The following TNR variants were observed in gnomAD, a reference collection of about 807,000 sequenced individuals.
TNR encodes tenascin R.
TNR carries 45 observed loss-of-function variants against 150.4 expected under a neutral mutation model. That is an observed-to-expected ratio of 0.30 (90% CI 0.24 to 0.38). TNR has a LOEUF of 0.38. TNR is among the 10% of genes least tolerant of loss of function. The probability of loss-of-function intolerance (pLI) is 1.00; values close to 1 mark genes in which losing one functional copy is unlikely to be tolerated. For synonymous variants in TNR, 687 were observed against 678.4 expected (o/e 1.01, Z -0.20); for missense variants, 1,544 against 1,759.1 (o/e 0.88, Z 2.19).
intron 2 of TNR, among the ~76,000 whole-genome samples, chr1:175,447,176 A>G (rs190361632): frequency 1.6e-4 from 23 of 147,906 alleles, no homozygotes; most frequent in Admixed American, 8.1e-4. Context: ...TTGGATTTCT[A>G]TCTTCTGGAA....
rs75340322 is a variant in TNR, at chr1:175,629,989, G to T, written c.-164-101620C>A. Among the ~76,000 whole-genome samples, 54 of 152,270 alleles carry T rather than the reference G, an allele frequency of 3.5e-4. No individual in the cohort carries two copies. In the East Asian group the frequency reaches 6.4e-3, roughly 18 times the overall value. On this transcript the variant is annotated intron_variant, in intron 1 of 22. Transcript: ENST00000367674. ...GAACCTCAGACCCATACTGAGTCCTGGGGAGGGACTTTCTGGTGTGTCCTC... is the reference window on the plus strand; with the variant it reads ...GAACCTCAGACCCATACTGAGTCCTTGGGAGGGACTTTCTGGTGTGTCCTC...
chr1:175,743,110 G>A (rs1458020130), intron 1 of TNR, 116 bp downstream of exon 1: 1 of 152,198 alleles, frequency 6.6e-6, no homozygotes, highest in African/African-American at 2.4e-5. Context: ...TAACCCTAGT[G>A]CCAAATGCCT....
intron 1 of TNR, among the ~76,000 whole-genome samples, chr1:175,535,320 C>T (rs899512188): frequency 6.6e-6 from 1 of 152,204 alleles, no homozygotes; most frequent in Non-Finnish European, 1.5e-5. Context: ...AGATTAGCAA[C>T]GAGCTCCACG....
At chr1:175,444,542 CT>C (rs1313217688) in intron 2 of TNR, among the ~76,000 whole-genome samples, 4 of 152,324 alleles carry the variant, frequency 2.6e-5, no homozygotes, top group South Asian at 2.1e-4. Context: ...CAAACCTGTC[CT>C]TCACACACCA....
At chr1:175,402,984 C>G (rs1289464602) in intron 4 of TNR, among the ~76,000 whole-genome samples, 156 bp downstream of exon 4, 2 of 152,200 alleles carry the variant, frequency 1.3e-5, no homozygotes, top group African/African-American at 4.8e-5. Flanking sequence ...CTCAAGAACT[C>G]AGCTCTCTTG....
chr1:175,525,977 A>G (rs1571561684), intron 2 of TNR, among the ~76,000 whole-genome samples: 1 of 150,078 alleles, frequency 6.7e-6, no homozygotes, highest in Admixed American at 6.6e-5. Context: ...ATTTACCTAA[A>G]CATTGAACCA....
At position 175,396,771 on chromosome 1, in the gene TNR, C is replaced by T. The variant is rs1653449310; in HGVS notation, c.1013G>A (p.Ser338Asn). Residue 338 changes from serine to asparagine, a missense_variant, in exon 5 of 23, where the codon AGC becomes AAC. Around this residue, in one of 2 missense-constraint regions of TNR, gnomAD observed 1,254 missense variants for 1,329.4 expected, o/e 0.94. Coordinates refer to ENST00000367674, the MANE Select transcript of TNR (RefSeq NM_003285.3). ...PPEDLRVAGISDRSIELEWDG... is the reference protein window; with the variant it reads ...PPEDLRVAGINDRSIELEWDG... ...CCATTCCAGCTCAATGGACCTGTCG[C>T]TGATACCAGCCACTCGCAAGTCCTC... 1.2e-6 allele frequency: 2 copies of T among 1,613,940 alleles called. No homozygotes were observed. The highest frequency in any genetic ancestry group is 1.7e-6 in the Non-Finnish European group (2 of 1,179,946).
At position 175,406,785 on chromosome 1, in the gene TNR, G is replaced by A. The variant is rs1354628122; in HGVS notation, c.-63-8C>T. On this transcript the variant is annotated splice_region_variant and splice_polypyrimidine_tract_variant and intron_variant, in intron 2 of 22. Transcript: ENST00000367674. ...GCATGGAGTTGTGGGAATCTGCAAC[G>A]GAAACCAAGGAAAGAGACAACCTCT... The A allele has an allele frequency of 7.1e-6, 11 of 1,556,064 alleles. No individual in the cohort carries two copies. Among genetic ancestry groups the A allele is most frequent in the East Asian group, 4.5e-5 (2 of 44,506 alleles).
chr1:175,723,119 TATA>T (rs781183066), intron 1 of TNR, among the ~76,000 whole-genome samples: 9 of 152,054 alleles, frequency 5.9e-5, no homozygotes, highest in Non-Finnish European at 8.8e-5. Context: ...TGTGCATTTG[TATA>T]ATATTACATG....
At chr1:175,333,974 C>CG (rs1241129643) in intron 20 of TNR, among the ~76,000 whole-genome samples, 2 of 152,010 alleles carry the variant, frequency 1.3e-5, no homozygotes, top group Admixed American at 6.6e-5. Context: ...GGAGAGGAGT[C>CG]GGGGGAAGAG....
Position 175,356,307 on chromosome 1 carries a change from C to T in TNR, c.3118+12G>A, listed in dbSNP as rs547494051. ...CCCAGGGATACGGGTATGTAGGTGACCATGTACTCACGAGTAGAAAAGTTG... is the reference window on the plus strand; with the variant it reads ...CCCAGGGATACGGGTATGTAGGTGATCATGTACTCACGAGTAGAAAAGTTG... On this transcript the variant is annotated intron_variant, in intron 16 of 22. Coordinates refer to ENST00000367674, the MANE Select transcript of TNR (RefSeq NM_003285.3). 3 of 1,613,812 alleles carry T rather than the reference C, an allele frequency of 1.9e-6. No individual in the cohort carries two copies. The Admixed American group carries it at 5.0e-5, about 27-fold the overall frequency.
chr1:175,725,565 A>G (rs1294912552), intron 1 of TNR, among the ~76,000 whole-genome samples: 1 of 152,226 alleles, frequency 6.6e-6, no homozygotes, highest in Non-Finnish European at 1.5e-5. Context: ...TTCTTCATCA[A>G]TAACAGTCAT....
chr1:175,331,671 G>A (rs1272414790), intron 20 of TNR, among the ~76,000 whole-genome samples: 1 of 152,176 alleles, frequency 6.6e-6, no homozygotes, highest in East Asian at 1.9e-4. Flanking sequence ...ATCTTGTGTT[G>A]CTGGTAATTT....
chr1:175,624,105 C>A (rs992931104), intron 1 of TNR, among the ~76,000 whole-genome samples: 1 of 152,220 alleles, frequency 6.6e-6, no homozygotes, highest in Non-Finnish European at 1.5e-5. Flanking sequence ...TAGAATTCCA[C>A]CTTCAGAGAT....
rs768025171 is a variant in TNR at position 175,355,549 on chromosome 1, A to G, written c.3203T>C (p.Ile1068Thr). Residue 1068 changes from isoleucine to threonine, a missense_variant, in exon 17 of 23, where the codon ATT (isoleucine) becomes ACT (threonine). Coordinates refer to ENST00000367674, the MANE Select transcript of TNR (RefSeq NM_003285.3). ...TTTGTAGGTCAAGACATAATTTTCA[A>G]TCTCTGCCCTGGGAGGCTGCCAGGA... ...LISWQPPRAEIENYVLTYKST... is the reference protein window; with the variant it reads ...LISWQPPRAETENYVLTYKST... The G allele has an allele frequency of 6.2e-7, 1 of 1,614,050 alleles. No homozygotes were observed. The highest frequency in any genetic ancestry group is 8.5e-7 in the Non-Finnish European group (1 of 1,179,938).
intron 5 of TNR, 145 bp downstream of exon 5, chr1:175,396,399 G>T (rs1333922747): frequency 3.9e-6 from 4 of 1,020,534 alleles, no homozygotes; most frequent in South Asian, 1.8e-5. Flanking sequence ...TTTCTAAATG[G>T]GTCACATCTC....
chr1:175,694,333 C>G (rs149129547), intron 1 of TNR, among the ~76,000 whole-genome samples: 1 of 152,334 alleles, frequency 6.6e-6, no homozygotes, highest in Non-Finnish European at 1.5e-5. Context: ...ACGTCACAAC[C>G]ATTCAGTGTC....
At chr1:175,507,147 C>G (rs902642618) in intron 2 of TNR, among the ~76,000 whole-genome samples, 1 of 152,168 alleles carries the variant, frequency 6.6e-6, no homozygotes, top group Non-Finnish European at 1.5e-5. Flanking sequence ...GTGCCTGAGC[C>G]TCCACCTCCC....
At chr1:175,609,041 G>T (rs10913029) in intron 1 of TNR, among the ~76,000 whole-genome samples, 49,197 of 152,054 alleles carry the variant, frequency 0.32, 11,319 homozygotes, top group African/African-American at 0.65. Context: ...ACAGCACTGT[G>T]TGTTGAGAAG....
Sources: gnomAD v4.1 joint callset for allele counts (sites outside exome capture counted in the v4.1 genomes callset) on GRCh38, gnomAD v4.1.1 for gene constraint, gnomAD v4.1.1 regional missense constraint, MANE v1.5 for transcripts, NCBI Gene and HGNC (gene_info 2026-07-23, HGNC 2026-07-21) for gene names.